VWF: variants seen among roughly 807,000 people sequenced by gnomAD.
VWF encodes the protein Factor VIII related antigen.
A neutral mutation model predicts 308.6 loss-of-function variants in VWF; 176 were observed. The observed-to-expected ratio is 0.57, with a 90% CI of 0.50 to 0.65. The LOEUF is 0.65. Among genes scored for constraint, VWF ranks in the 30% least tolerant of loss-of-function variants. VWF has a pLI of 0.00. For synonymous variants in VWF, 1,385 were observed against 1,443.4 expected (o/e 0.96, Z 0.92); for missense variants, 3,146 against 3,648.2 (o/e 0.86, Z 3.55).
chr12:6,059,933 T>C (rs1328497195), intron 13 of VWF, among the ~76,000 whole-genome samples: 1 of 152,208 alleles, frequency 6.6e-6, no homozygotes, highest in African/African-American at 2.4e-5. Flanking sequence ...CTCCACTCCC[T>C]TCCCGCCTCT....
At chr12:5,977,836 C>T (rs977001716) in intron 42 of VWF, among the ~76,000 whole-genome samples, 88 of 150,716 alleles carry the variant, frequency 5.8e-4, no homozygotes, top group African/African-American at 2.0e-3. Flanking sequence ...CATAACTGCA[C>T]TTGTGCCTGG....
chr12:5,968,293 TC>T, intron 45 of VWF, 126 bp from the exon 46 acceptor site: 15 of 1,179,918 alleles, frequency 1.3e-5, no homozygotes, highest in Admixed American at 4.0e-5. Context: ...GTCGGCCCTT[TC>T]CCCCCACCCC....
intron 22 of VWF, among the ~76,000 whole-genome samples, chr12:6,028,092 T>G (rs917137710): frequency 6.6e-6 from 1 of 152,196 alleles, no homozygotes; most frequent in African/African-American, 2.4e-5. Context: ...TCAGGGATGC[T>G]GTGGAGGCCA....
At chr12:5,985,433 G>T in intron 39 of VWF, 130 bp downstream of exon 39, 1 of 1,057,718 alleles carries the variant, frequency 9.5e-7, no homozygotes, top group Non-Finnish European at 1.4e-6. Context: ...GGGCAAGGAA[G>T]CCCACCCACT....
chr12:6,047,006 C>T (rs1944452861), intron 16 of VWF, among the ~76,000 whole-genome samples, 189 bp from the exon 17 acceptor site: 1 of 152,134 alleles, frequency 6.6e-6, no homozygotes, highest in South Asian at 2.1e-4. Flanking sequence ...GGACTTTTTT[C>T]AGTTATTTGC....
chr12:5,974,511 C>T (rs1208897116), intron 43 of VWF, among the ~76,000 whole-genome samples: 1 of 152,168 alleles, frequency 6.6e-6, no homozygotes, highest in African/African-American at 2.4e-5. Context: ...TTGACTGGAC[C>T]AGAGCATGAA....
At chr12:5,949,663 A>G in intron 51 of VWF, 123 bp downstream of exon 51, 1 of 1,050,730 alleles carries the variant, frequency 9.5e-7, no homozygotes, top group Non-Finnish European at 1.4e-6. Context: ...AAATGCTTCC[A>G]GTTTATTTCC....
intron 47 of VWF, among the ~76,000 whole-genome samples, chr12:5,955,695 T>G (rs1265561945): frequency 6.6e-6 from 1 of 152,084 alleles, no homozygotes; most frequent in East Asian, 1.9e-4. Flanking sequence ...ATAACTATGA[T>G]AAATATGTTA....
chr12:6,089,036 G>A (rs961281175), intron 6 of VWF, among the ~76,000 whole-genome samples: 3 of 152,214 alleles, frequency 2.0e-5, no homozygotes, highest in Admixed American at 2.0e-4. Context: ...GTCAAGGAAA[G>A]TTTCAAGGTC....
At chr12:6,042,856 G>A (rs1490764382) in intron 18 of VWF, among the ~76,000 whole-genome samples, 2 of 152,310 alleles carry the variant, frequency 1.3e-5, no homozygotes, top group African/African-American at 4.8e-5. Flanking sequence ...ATCCGATGCT[G>A]ACATAGTCCT....
At chr12:6,009,216 T>A in intron 34 of VWF, among the ~76,000 whole-genome samples, 1 of 146,678 alleles carries the variant, frequency 6.8e-6, no homozygotes. Context: ...CAAAATATAT[T>A]AGGAACTCAT....
At chr12:6,010,890 A>G (rs905541793) in intron 34 of VWF, among the ~76,000 whole-genome samples, 1 of 152,216 alleles carries the variant, frequency 6.6e-6, no homozygotes, top group Non-Finnish European at 1.5e-5. Context: ...TCTTCTGACA[A>G]AGTAACTATA....
intron 5 of VWF, among the ~76,000 whole-genome samples, chr12:6,108,504 T>C (rs1305537789): frequency 6.7e-6 from 1 of 149,632 alleles, no homozygotes; most frequent in East Asian, 2.0e-4. Flanking sequence ...AAAACACAAT[T>C]AAAAAGCTTA....
chr12:6,070,402 G>A (rs1198689756), intron 10 of VWF, among the ~76,000 whole-genome samples: 5 of 152,236 alleles, frequency 3.3e-5, no homozygotes, highest in Admixed American at 3.3e-4. Flanking sequence ...CCCACTTCAG[G>A]CCACCAAAGG....
intron 38 of VWF, among the ~76,000 whole-genome samples, chr12:5,991,193 ACACACACACACACG>A (rs1199603832): frequency 2.2e-5 from 3 of 137,950 alleles, no homozygotes; most frequent in East Asian, 2.5e-4. Flanking sequence ...ACACACACAC[ACACACACACACACG>A]CATGCACACA....
At chr12:5,960,101 A>C (rs1943296416) in intron 47 of VWF, among the ~76,000 whole-genome samples, 1 of 148,732 alleles carries the variant, frequency 6.7e-6, no homozygotes, top group South Asian at 2.1e-4. Flanking sequence ...TAGACAAATT[A>C]GTCAAAATAA....
At chr12:6,055,683 ATAGATGCTAATTCC>A (rs1944568776) in intron 15 of VWF, among the ~76,000 whole-genome samples, 1 of 151,862 alleles carries the variant, frequency 6.6e-6, no homozygotes, top group Non-Finnish European at 1.5e-5. Flanking sequence ...CTCCTGAAAT[ATAGATGCTAATTCC>A]TTTCACTGTT....
At chr12:6,110,040 G>A (rs930736149) in intron 5 of VWF, among the ~76,000 whole-genome samples, 1 of 152,156 alleles carries the variant, frequency 6.6e-6, no homozygotes, top group Non-Finnish European at 1.5e-5. Flanking sequence ...ATGGTGTGGA[G>A]GACCGACCAC....
At position 5,989,890 on chromosome 12, in the gene VWF, G is replaced by A. The variant is rs184071120; in HGVS notation, c.6798+1929C>T. 1.3e-3 allele frequency among the ~76,000 whole-genome samples: 196 copies of A among 152,228 alleles called. 2 individuals carry two copies. The highest frequency in any genetic ancestry group is 6.8e-3 in the Middle Eastern group (2 of 294). ...GCATTTTGCCACTACTAGTAAAACC[G>A]GTCTGAAATTACCACAGGTTTCTAG... is the stretch of plus-strand genomic sequence containing the variant. On this transcript the variant is annotated intron_variant, in intron 38 of 51. Coordinates refer to ENST00000261405, the MANE Select transcript of VWF (RefSeq NM_000552.5).
Sources: allele counts gnomAD v4.1 joint callset (sites outside exome capture counted in the v4.1 genomes callset), GRCh38; gene constraint gnomAD v4.1.1; transcripts MANE v1.5; gene names NCBI Gene and HGNC (gene_info 2026-07-23, HGNC 2026-07-21).